The following GRIP1 variants were observed in gnomAD, a reference collection of about 807,000 sequenced individuals.
GRIP1 encodes glutamate receptor interacting protein 1, also known as glutamate receptor-interacting protein 1.
Under a neutral mutation model 129.9 loss-of-function variants are expected in GRIP1, and 45 were observed. The ratio of observed to expected loss-of-function variants is 0.35; its 90% confidence interval spans 0.27 to 0.44. The LOEUF is 0.44. Among genes scored for constraint, GRIP1 ranks in the 20% least tolerant of loss-of-function variants. The pLI, the probability that GRIP1 is intolerant of heterozygous loss-of-function variation, is 1.00. For synonymous variants in GRIP1, 530 were observed against 520.8 expected (o/e 1.02, Z -0.24); for missense variants, 1,196 against 1,396.8 (o/e 0.86, Z 2.29).
chr12:66,730,404 T>C (rs2036395946), intron 1 of GRIP1, among the ~76,000 whole-genome samples: 1 of 152,124 alleles, frequency 6.6e-6, no homozygotes, highest in African/African-American at 2.4e-5. Context: ...GTAGCTTACT[T>C]AAAAATTCTA....
At chr12:66,819,056 T>C (rs903023953) in intron 1 of GRIP1, among the ~76,000 whole-genome samples, 2 of 152,242 alleles carry the variant, frequency 1.3e-5, no homozygotes, top group Non-Finnish European at 2.9e-5. Context: ...TTTGGGAGGA[T>C]AAAATTTTAT....
intron 7 of GRIP1, among the ~76,000 whole-genome samples, chr12:66,481,067 C>A (rs2059789754): frequency 6.6e-6 from 1 of 151,860 alleles, no homozygotes; most frequent in African/African-American, 2.4e-5. Context: ...AAATGGGATG[C>A]AATGGCAACA....
intron 1 of GRIP1, among the ~76,000 whole-genome samples, chr12:66,809,204 T>C (rs760654724): frequency 3.9e-5 from 6 of 152,258 alleles, no homozygotes; most frequent in Non-Finnish European, 8.8e-5. Context: ...TCTTCTGAAC[T>C]GGATTCTTCA....
chr12:67,028,470 T>C (rs1490558038), intron 1 of GRIP1, among the ~76,000 whole-genome samples: 1 of 152,230 alleles, frequency 6.6e-6, no homozygotes, highest in Non-Finnish European at 1.5e-5. Flanking sequence ...TCTGCATTCA[T>C]GTAAGTAGAA....
At chr12:66,895,080 CCT>C (rs759360233) in intron 1 of GRIP1, among the ~76,000 whole-genome samples, 3 of 152,168 alleles carry the variant, frequency 2.0e-5, no homozygotes, top group Non-Finnish European at 2.9e-5. Context: ...AGATTGTCAG[CCT>C]CTGTTACCAT....
Position 66,714,086 on chromosome 12 carries a change from A to AT in GRIP1, c.-419-83751dup. Reference sequence around the variant, plus strand: ...TTATTATTTTAAAATTTCTTACCAGATGTCTTACTTTGTAATTTCTAAGTC... The same window carrying AT: ...TTATTATTTTAAAATTTCTTACCAGATTGTCTTACTTTGTAATTTCTAAGTC... On this transcript the variant is annotated intron_variant, in intron 1 of 4. Transcript: ENST00000538373. Among the ~76,000 whole-genome samples the AT allele has an allele frequency of 2.0e-5, 3 of 152,166 alleles. No individual in the cohort carries two copies. In the East Asian group the frequency reaches 5.8e-4, roughly 29 times the overall value.
chr12:66,531,255 ATATATATATATATATATATATATATATAT>A lies in GRIP1; in HGVS notation c.419-1370_419-1342del, dbSNP rs2061450924. On this transcript the variant is annotated intron_variant, in intron 4 of 24. Coordinates refer to ENST00000359742, the MANE Select transcript of GRIP1 (RefSeq NM_001366722.1). ...TGTCTCAAAAAAAAAAAAAAAAAAT[ATATATATATATATATATATATATATATAT>A]ATATATATATATATATATACACACA... 2.5e-3 allele frequency among the ~76,000 whole-genome samples: 12 copies of A among 4,814 alleles called. 2 individuals are homozygous for A. Among genetic ancestry groups the A allele is most frequent in the Middle Eastern group, 0.2 (2 of 10 alleles). The allele number at this position is 4,814 out of a possible 152,430, so 3.2% of individuals were successfully genotyped here.
At chr12:66,409,479 C>G (rs999668054) in intron 15 of GRIP1, among the ~76,000 whole-genome samples, 1 of 152,198 alleles carries the variant, frequency 6.6e-6, no homozygotes, top group Non-Finnish European at 1.5e-5. Flanking sequence ...TTGGGGTGCC[C>G]CCTAATGGAG....
At chr12:66,612,193 T>C (rs2064829800) in intron 1 of GRIP1, among the ~76,000 whole-genome samples, 1 of 152,192 alleles carries the variant, frequency 6.6e-6, no homozygotes. Flanking sequence ...AGTGTATCAT[T>C]AGGTGATTTC....
intron 1 of GRIP1, among the ~76,000 whole-genome samples, chr12:66,941,775 AG>A (rs1178886545): frequency 6.6e-6 from 1 of 152,248 alleles, no homozygotes; most frequent in Non-Finnish European, 1.5e-5. Flanking sequence ...AATGGCAGCC[AG>A]TAACGTAATC....
intron 1 of GRIP1, among the ~76,000 whole-genome samples, chr12:66,869,652 G>A (rs557916591): frequency 4.6e-5 from 7 of 152,164 alleles, no homozygotes; most frequent in East Asian, 3.9e-4. Context: ...TGACAGATAC[G>A]TATCATTGAA....
At chr12:66,576,595 C>A (rs568901607) in intron 2 of GRIP1, among the ~76,000 whole-genome samples, 2 of 152,186 alleles carry the variant, frequency 1.3e-5, no homozygotes, top group African/African-American at 4.8e-5. Context: ...TAGACTTGGA[C>A]AAGTTACCTA....
At chr12:66,445,707 G>A (rs1162153042) in intron 11 of GRIP1, among the ~76,000 whole-genome samples, 199 bp from the exon 12 acceptor site, 1 of 152,168 alleles carries the variant, frequency 6.6e-6, no homozygotes, top group African/African-American at 2.4e-5. Flanking sequence ...TAACATCAGT[G>A]TATCCCTGCA....
chr12:66,638,048 G>C (rs968704531), intron 1 of GRIP1, among the ~76,000 whole-genome samples: 3 of 152,152 alleles, frequency 2.0e-5, no homozygotes, highest in Non-Finnish European at 4.4e-5. Context: ...TAAAGTCTGA[G>C]GGCCATTTAG....
intron 1 of GRIP1, among the ~76,000 whole-genome samples, chr12:67,013,542 C>A (rs1403116351): frequency 6.6e-6 from 1 of 152,054 alleles, no homozygotes; most frequent in African/African-American, 2.4e-5. Context: ...TCTGAATATC[C>A]CAAATAGATG....
chr12:66,488,316 A>T (rs181419990), intron 7 of GRIP1, among the ~76,000 whole-genome samples: 15 of 152,334 alleles, frequency 9.8e-5, no homozygotes, highest in East Asian at 3.9e-4. Context: ...TCATATTAAG[A>T]TATTAACTCA....
At chr12:66,783,755 T>G (rs191195177) in intron 1 of GRIP1, among the ~76,000 whole-genome samples, 29 of 152,290 alleles carry the variant, frequency 1.9e-4, no homozygotes, top group Admixed American at 4.6e-4. Context: ...AATACTAGTT[T>G]TGAGTTCAAT....
chr12:66,934,531 G>A (rs1001948269), intron 1 of GRIP1, among the ~76,000 whole-genome samples: 28 of 152,168 alleles, frequency 1.8e-4, no homozygotes, highest in Middle Eastern at 3.2e-3. Context: ...TTCACACAAT[G>A]CCCTTCACAT....
At chr12:66,785,343 C>CATACATACATACATATAT (rs377630345) in intron 1 of GRIP1, among the ~76,000 whole-genome samples, 41 of 72,786 alleles carry the variant, frequency 5.6e-4, no homozygotes, top group African/African-American at 1.7e-3. Context: ...TACATACATA[C>CATACATACATACATATAT]ATATATATAT....
Sources: allele counts gnomAD v4.1 joint callset (sites outside exome capture counted in the v4.1 genomes callset), GRCh38; gene constraint gnomAD v4.1.1; transcripts MANE v1.5; gene names NCBI Gene and HGNC (gene_info 2026-07-23, HGNC 2026-07-21).